BLOC1S3: variants seen among roughly 807,000 people sequenced by gnomAD.
BLOC1S3 encodes the protein biogenesis of lysosome-related organelles complex 1 subunit 3.
BLOC1S3 carries 7 observed loss-of-function variants against 9.1 expected under a neutral mutation model. The observed-to-expected ratio is 0.77, with a 90% confidence interval of 0.44 to 1.45. BLOC1S3 has a LOEUF of 1.45. BLOC1S3 is among the 40% of genes most tolerant of loss of function. The probability of loss-of-function intolerance (pLI) is 0.01; values close to 1 mark genes in which losing one functional copy is unlikely to be tolerated. For missense variants in BLOC1S3, 307 were observed against 315.2 expected (o/e 0.97, Z 0.20); for synonymous variants, 145 against 158.4 (o/e 0.92, Z 0.64).
chr19:45,206,360 A>G (rs930679931), intron 3 of BLOC1S3, among the ~76,000 whole-genome samples: 3 of 140,714 alleles, frequency 2.1e-5, no homozygotes, highest in Non-Finnish European at 4.6e-5. Flanking sequence ...TCTCAAAAAA[A>G]AAAAAAAAAA....
At chr19:45,215,215 A>G (rs966838617) in intron 3 of BLOC1S3, among the ~76,000 whole-genome samples, 11 of 152,108 alleles carry the variant, frequency 7.2e-5, no homozygotes, top group African/African-American at 2.7e-4. Context: ...GGTGGCTCAC[A>G]CTTCCCCATT....
chr19:45,189,758 C>A (rs572089950), intron 2 of BLOC1S3, among the ~76,000 whole-genome samples: 2 of 152,084 alleles, frequency 1.3e-5, no homozygotes, highest in South Asian at 4.1e-4. Context: ...TGGGTTAAAT[C>A]TGCTTGGTGT....
downstream of BLOC1S3, among the ~76,000 whole-genome samples, chr19:45,183,026 G>A (rs1969537925): frequency 6.6e-6 from 1 of 152,156 alleles, no homozygotes. Context: ...AACAGCATAT[G>A]CGAGGGCCCT....
chr19:45,188,043 G>T (rs903890748), intron 2 of BLOC1S3, among the ~76,000 whole-genome samples: 3 of 151,482 alleles, frequency 2.0e-5, no homozygotes, highest in African/African-American at 7.3e-5. Flanking sequence ...TTTTTTTTGA[G>T]AGAGAGCCTC....
chr19:45,202,348 T>A (rs1969697967), intron 2 of BLOC1S3: 1 of 155,282 alleles, frequency 6.4e-6, no homozygotes, highest in African/African-American at 2.4e-5. Flanking sequence ...GGTATGTCTT[T>A]ATCAGCAGCA....
chr19:45,185,420 C>G (rs1258887445), downstream of BLOC1S3, among the ~76,000 whole-genome samples: 2 of 152,126 alleles, frequency 1.3e-5, no homozygotes. Context: ...GCACAGCCTC[C>G]CTCCAAAGGT....
At chr19:45,185,046 G>A (rs543409752), downstream of BLOC1S3, among the ~76,000 whole-genome samples, 2 of 152,082 alleles carry the variant, frequency 1.3e-5, no homozygotes, top group East Asian at 1.9e-4. Context: ...AGAGGGAGAA[G>A]TCGTGATACA....
intron 2 of BLOC1S3, among the ~76,000 whole-genome samples, chr19:45,191,451 G>A (rs955911933): frequency 1.3e-5 from 2 of 152,158 alleles, no homozygotes; most frequent in Non-Finnish European, 2.9e-5. Context: ...GTGAGGTCAT[G>A]TTTTCCTGGA....
chr19:45,185,026 G>T (rs1303128194), downstream of BLOC1S3, among the ~76,000 whole-genome samples: 3 of 151,680 alleles, frequency 2.0e-5, no homozygotes, highest in Non-Finnish European at 4.4e-5. Context: ...GCTGCTGGGA[G>T]TATTTCAGAA....
At chr19:45,201,457 C>T (rs1358039769) in intron 2 of BLOC1S3, among the ~76,000 whole-genome samples, 5 of 152,102 alleles carry the variant, frequency 3.3e-5, no homozygotes, top group African/African-American at 9.7e-5. Flanking sequence ...ACCCAGGGCC[C>T]GTGGCAACCA....
intron 2 of BLOC1S3, among the ~76,000 whole-genome samples, chr19:45,191,208 C>T (rs993856448): frequency 1.1e-4 from 17 of 151,718 alleles, no homozygotes; most frequent in East Asian, 5.8e-4. Context: ...CCACAACCTC[C>T]GCCTCCCTGG....
At chr19:45,199,861 G>A (rs1273874630) in intron 2 of BLOC1S3, among the ~76,000 whole-genome samples, 3 of 151,800 alleles carry the variant, frequency 2.0e-5, no homozygotes, top group African/African-American at 4.8e-5. Context: ...CACTTCCTGC[G>A]TTCAATCAAT....
At chr19:45,182,000 C>T (rs546865759), downstream of BLOC1S3, among the ~76,000 whole-genome samples, 4 of 152,278 alleles carry the variant, frequency 2.6e-5, no homozygotes, top group South Asian at 6.2e-4. Context: ...TTTTGGGTAC[C>T]TGACCTGTGC....
At chr19:45,213,388 A>T in intron 3 of BLOC1S3, 6 of 1,608,704 alleles carry the variant, frequency 3.7e-6, no homozygotes, top group Non-Finnish European at 5.1e-6. Context: ...AGGTGCATGC[A>T]GATCCCCAGC....
intron 2 of BLOC1S3, among the ~76,000 whole-genome samples, chr19:45,191,372 C>T (rs572109459): frequency 3.3e-5 from 5 of 152,156 alleles, no homozygotes; most frequent in Admixed American, 6.5e-5. Flanking sequence ...CTGCCCGCCT[C>T]GGCCTCCCAA....
Position 45,179,558 on chromosome 19 carries a change from G to A in BLOC1S3, c.262G>A (p.Glu88Lys). ...RDLPPLVVQR[E>K]SAEEAWGTEE... ...CCTGCCTCCACTCGTGGTGCAGCGG[G>A]AATCGGCGGAGGAGGCCTGGGGCAC... Residue 88 changes from glutamate (E) to lysine (K), a missense_variant, in exon 2 of 2, where the codon GAA becomes AAA. Transcript: ENST00000433642. The surrounding 1 kb of genome is among the most constrained non-coding windows in gnomAD (Gnocchi z 4.6). The A allele has an allele frequency of 1.3e-6, 2 of 1,518,206 alleles. No homozygotes were observed. The highest frequency in any genetic ancestry group is 1.2e-5 in the South Asian group (1 of 82,198). 94.0% of individuals were successfully genotyped at this position (1,518,206 alleles called of 1,614,324 possible).
At chr19:45,185,290 G>A (rs1415266247), downstream of BLOC1S3, among the ~76,000 whole-genome samples, 3 of 152,332 alleles carry the variant, frequency 2.0e-5, no homozygotes, top group East Asian at 3.9e-4. Context: ...GCCAGGGCCA[G>A]CTAACCCAGG....
chr19:45,179,742 C>A lies in BLOC1S3; in HGVS notation c.446C>A (p.Ala149Asp). The A allele has an allele frequency of 2.1e-6, 3 of 1,461,990 alleles. No individual in the cohort carries two copies. Among genetic ancestry groups the A allele is most frequent in the Non-Finnish European group, 1.8e-6 (2 of 1,116,078 alleles). The allele number at this position is 1,461,990 out of a possible 1,614,324, so 90.6% of individuals were successfully genotyped here. The change falls in exon 2 of 2, where the codon GCC (alanine) becomes GAC (aspartate). Residue 149 changes from alanine to aspartate, a missense_variant. Transcript: ENST00000433642. The surrounding 1 kb of genome is among the most constrained non-coding windows in gnomAD (Gnocchi z 4.6). ...GCCCTGGCTAGTAGGCTGGCGGCAGCCCAGGCGGCGGGGCTGGCGGCGGCC... is the reference window on the plus strand; with the variant it reads ...GCCCTGGCTAGTAGGCTGGCGGCAGACCAGGCGGCGGGGCTGGCGGCGGCC... ...VAALASRLAA[A>D]QAAGLAAAHS...
chr19:45,210,097 A>T (rs1260990694), intron 3 of BLOC1S3, among the ~76,000 whole-genome samples: 1 of 152,136 alleles, frequency 6.6e-6, no homozygotes, highest in Admixed American at 6.6e-5. Context: ...CATCAGTCAC[A>T]AAAGACTACG....
Sources: gnomAD v4.1 joint callset for allele counts (sites outside exome capture counted in the v4.1 genomes callset) on GRCh38, gnomAD v4.1.1 for gene constraint, Gnocchi (gnomAD v3.1) non-coding constraint, MANE v1.5 for transcripts, NCBI Gene and HGNC (gene_info 2026-07-23, HGNC 2026-07-21) for gene names.